Variants in ST8SIA4 observed in about 807,000 individuals in gnomAD.
ST8SIA4 encodes the protein ST8 alpha-N-acetyl-neuraminide alpha-2,8-sialyltransferase 4, also known as CMP-N-acetylneuraminate-poly-alpha-2,8-sialyltransferase.
ST8SIA4 carries 15 observed loss-of-function variants against 33.9 expected under a neutral mutation model. The ratio of observed to expected loss-of-function variants is 0.44; its 90% CI spans 0.30 to 0.68. ST8SIA4 has a LOEUF of 0.68. Among genes scored for constraint, ST8SIA4 ranks in the 30% least tolerant of loss-of-function variants. The pLI is 0.10. For synonymous variants in ST8SIA4, 171 were observed against 151.2 expected (o/e 1.13, Z -0.96); for missense variants, 321 against 428.0 (o/e 0.75, Z 2.21).
rs141155197 is a variant in ST8SIA4 at position 100,874,886 on chromosome 5, T to C, written c.503+11457A>G. On this transcript the variant is annotated intron_variant, in intron 3 of 4. Coordinates refer to ENST00000231461, the MANE Select transcript of ST8SIA4 (RefSeq NM_005668.6). ...GGTATGAGCCACTGTGCTCAGCTTC[T>C]ATCTGTCATCTCTGTTTATCATCTA... 1.6e-3 allele frequency among the ~76,000 whole-genome samples: 245 copies of C among 152,284 alleles called. 1 individual carries two copies. The highest frequency in any genetic ancestry group is 5.6e-3 in the African/African-American group (234 of 41,572).
intron 1 of ST8SIA4, among the ~76,000 whole-genome samples, chr5:100,901,353 C>T (rs1752908741): frequency 1.3e-5 from 2 of 152,212 alleles, no homozygotes; most frequent in South Asian, 4.1e-4. Context: ...TCCTAGCCCA[C>T]GGCCCGGGAG....
intron 4 of ST8SIA4, among the ~76,000 whole-genome samples, chr5:100,838,984 G>C (rs778434526): frequency 1.8e-4 from 28 of 151,618 alleles, no homozygotes; most frequent in African/African-American, 5.1e-4. Context: ...ACTTAAAAGA[G>C]AACATTAATT....
chr5:100,873,162 C>T (rs1366280616), intron 3 of ST8SIA4, among the ~76,000 whole-genome samples: 4 of 152,020 alleles, frequency 2.6e-5, no homozygotes, highest in Non-Finnish European at 5.9e-5. Flanking sequence ...TATCTTATTG[C>T]TGTTTTTGAT....
At chr5:100,859,484 A>G (rs1251830465) in intron 3 of ST8SIA4, among the ~76,000 whole-genome samples, 2 of 152,080 alleles carry the variant, frequency 1.3e-5, no homozygotes, top group Admixed American at 6.6e-5. Context: ...TTGAAAACAT[A>G]TACACAGAAT....
At chr5:100,861,817 A>G (rs1751951165) in intron 3 of ST8SIA4, among the ~76,000 whole-genome samples, 1 of 152,186 alleles carries the variant, frequency 6.6e-6, no homozygotes, top group South Asian at 2.1e-4. Context: ...AAAATATTTC[A>G]GAGATTCAAA....
At chr5:100,827,338 A>G (rs2112410714) in intron 4 of ST8SIA4, among the ~76,000 whole-genome samples, 1 of 152,298 alleles carries the variant, frequency 6.6e-6, no homozygotes, top group East Asian at 1.9e-4. Flanking sequence ...TGGATATCTT[A>G]ACTCTGTATG....
At position 100,810,772 on chromosome 5, in the gene ST8SIA4, A is replaced by C. The variant is rs1160359142; in HGVS notation, c.*1075T>G. 6.6e-6 allele frequency: 1 copy of C among 152,562 alleles called. No homozygotes were observed. The highest frequency in any genetic ancestry group is 2.4e-5 in the African/African-American group (1 of 41,430). The allele number at this position is 152,562 out of a possible 1,614,324, so 9.5% of individuals were successfully genotyped here. ...TATTTTACCATCTCTGATGACATGG[A>C]ACATCTTTCCTTTAGAATGGCCTAA... is the stretch of plus-strand genomic sequence containing the variant. On this transcript the variant is annotated 3_prime_UTR_variant, in exon 5 of 5. Transcript: ENST00000231461.
At chr5:100,888,350 G>A (rs747328994) in intron 2 of ST8SIA4, among the ~76,000 whole-genome samples, 2 of 151,826 alleles carry the variant, frequency 1.3e-5, no homozygotes, top group African/African-American at 4.8e-5. Flanking sequence ...CAAAGCAGGG[G>A]GTTGTGTTTG....
chr5:100,869,672 A>G (rs150367391), intron 3 of ST8SIA4, among the ~76,000 whole-genome samples: 2 of 152,326 alleles, frequency 1.3e-5, no homozygotes, highest in East Asian at 3.9e-4. Flanking sequence ...ACAAACAAAA[A>G]GCAGACCAAC....
Position 100,808,673 on chromosome 5 carries a change from C to G in ST8SIA4, c.*3174G>C, listed in dbSNP as rs1455084106. 1 of 152,584 alleles carries G rather than the reference C, an allele frequency of 6.6e-6. No individual in the cohort carries two copies. Among genetic ancestry groups the G allele is most frequent in the Admixed American group, 6.5e-5 (1 of 15,282 alleles). The allele number at this position is 152,584 out of a possible 1,614,324, so 9.5% of individuals were successfully genotyped here. On this transcript the variant is annotated 3_prime_UTR_variant, in exon 5 of 5. Coordinates refer to ENST00000231461, the MANE Select transcript of ST8SIA4 (RefSeq NM_005668.6). ...AAAAGCTCCACCTATTTCAAGTATGCTTTTATAATTTGATTTTGTCATGAT... is the reference window on the plus strand; with the variant it reads ...AAAAGCTCCACCTATTTCAAGTATGGTTTTATAATTTGATTTTGTCATGAT...
At chr5:100,859,798 A>G (rs1450936442) in intron 3 of ST8SIA4, among the ~76,000 whole-genome samples, 2 of 152,120 alleles carry the variant, frequency 1.3e-5, no homozygotes, top group Admixed American at 6.5e-5. Flanking sequence ...CTAGCAAAAA[A>G]TCTCTCTTGG....
At chr5:100,868,588 T>C (rs766325291) in intron 3 of ST8SIA4, among the ~76,000 whole-genome samples, 5 of 152,028 alleles carry the variant, frequency 3.3e-5, no homozygotes, top group Non-Finnish European at 5.9e-5. Flanking sequence ...AGATTCCTAA[T>C]TGGGTCTTTC....
At chr5:100,868,699 A>C (rs1041763753) in intron 3 of ST8SIA4, among the ~76,000 whole-genome samples, 1 of 151,974 alleles carries the variant, frequency 6.6e-6, no homozygotes, top group East Asian at 1.9e-4. Context: ...GTTTATCTGT[A>C]TTCCTTTATT....
At chr5:100,882,947 G>T (rs1010748888) in intron 3 of ST8SIA4, among the ~76,000 whole-genome samples, 3 of 152,238 alleles carry the variant, frequency 2.0e-5, no homozygotes, top group African/African-American at 4.8e-5. Flanking sequence ...GATAACCTCT[G>T]CAAGGGCAGT....
chr5:100,855,072 T>C (rs534225724), intron 4 of ST8SIA4, among the ~76,000 whole-genome samples: 51 of 152,338 alleles, frequency 3.3e-4, no homozygotes, highest in African/African-American at 1.2e-3. Flanking sequence ...TTTCCAACTT[T>C]GTATTCCCAT....
intron 3 of ST8SIA4, among the ~76,000 whole-genome samples, chr5:100,874,422 T>C (rs1459853729): frequency 1.3e-5 from 2 of 152,142 alleles, no homozygotes; most frequent in Non-Finnish European, 2.9e-5. Flanking sequence ...TAAACTCTGA[T>C]TGGACTCTTG....
At chr5:100,828,169 G>A (rs567303931) in intron 4 of ST8SIA4, among the ~76,000 whole-genome samples, 1 of 152,228 alleles carries the variant, frequency 6.6e-6, no homozygotes, top group Admixed American at 6.5e-5. Flanking sequence ...GGAGAGCCTG[G>A]GGTTCTGGGG....
At chr5:100,885,211 C>T (rs1238836828) in intron 3 of ST8SIA4, 1 of 289,732 alleles carries the variant, frequency 3.5e-6, no homozygotes, top group Non-Finnish European at 5.2e-6. Context: ...CACAAGGTTT[C>T]TCTTATAGTC....
At position 100,903,064 on chromosome 5, in the gene ST8SIA4, G is replaced by A; in HGVS notation, c.-109C>T. The A allele has an allele frequency of 1.3e-6, 1 of 752,006 alleles. No homozygotes were observed. The highest frequency in any genetic ancestry group is 2.3e-6 in the Non-Finnish European group (1 of 444,282). The allele number at this position is 752,006 out of a possible 1,614,324, so 46.6% of individuals were successfully genotyped here. A position where few individuals can be genotyped will look rare whatever the true frequency, so the allele number is the denominator to read the frequency against. On this transcript the variant is annotated 5_prime_UTR_variant, in exon 1 of 5. Coordinates refer to ENST00000231461, the MANE Select transcript of ST8SIA4 (RefSeq NM_005668.6). ...GGGGGTGAAATCTGTAAAATGCGAGGAGAGCTTGGAGCCGGGATCCCGGGA... is the reference window on the plus strand; with the variant it reads ...GGGGGTGAAATCTGTAAAATGCGAGAAGAGCTTGGAGCCGGGATCCCGGGA...
Sources: gnomAD v4.1 joint callset for allele counts (sites outside exome capture counted in the v4.1 genomes callset) on GRCh38, gnomAD v4.1.1 for gene constraint, MANE v1.5 for transcripts, NCBI Gene and HGNC (gene_info 2026-07-23, HGNC 2026-07-21) for gene names.